Variants in SLIT3 observed in about 807,000 individuals in gnomAD.
SLIT3 encodes slit homolog 3 protein.
In SLIT3, 68 loss-of-function variants were observed where a neutral mutation model predicts 184.0. The observed-to-expected ratio is 0.37, with a 90% CI of 0.30 to 0.45. SLIT3 has a LOEUF of 0.45. Ranked by LOEUF, SLIT3 falls within the 20% of genes least tolerant of loss-of-function variation. The probability of loss-of-function intolerance (pLI) is 1.00; values close to 1 mark genes in which losing one functional copy is unlikely to be tolerated. For missense variants in SLIT3, 1,707 were observed against 2,026.0 expected (o/e 0.84, Z 3.02); for synonymous variants, 831 against 828.6 (o/e 1.00, Z -0.05).
chr5:168,970,587 G>C (rs1204655001), intron 4 of SLIT3, among the ~76,000 whole-genome samples: 1 of 151,914 alleles, frequency 6.6e-6, no homozygotes, highest in Non-Finnish European at 1.5e-5. Flanking sequence ...GCAGATTTGT[G>C]CAGGAGTCCA....
intron 35 of SLIT3, among the ~76,000 whole-genome samples, chr5:168,669,230 T>G (rs1363177895): frequency 6.6e-6 from 1 of 152,172 alleles, no homozygotes; most frequent in Non-Finnish European, 1.5e-5. Flanking sequence ...ATGGTGTGAG[T>G]GACTTCCAAT....
At chr5:169,132,779 G>A (rs1045144308) in intron 4 of SLIT3, among the ~76,000 whole-genome samples, 1 of 150,252 alleles carries the variant, frequency 6.7e-6, no homozygotes, top group South Asian at 2.2e-4. Flanking sequence ...AATGACTCCT[G>A]TCTAGCTCTG....
At chr5:168,919,215 G>A (rs1326893469) in intron 4 of SLIT3, among the ~76,000 whole-genome samples, 2 of 149,618 alleles carry the variant, frequency 1.3e-5, no homozygotes, top group African/African-American at 4.9e-5. Flanking sequence ...AGCCGAGATC[G>A]CGCCACTGCA....
intron 20 of SLIT3, among the ~76,000 whole-genome samples, chr5:168,728,736 T>C (rs553740503): frequency 9.2e-5 from 14 of 151,890 alleles, no homozygotes; most frequent in African/African-American, 2.2e-4. Context: ...CTGCGCAACA[T>C]AGTGAGACCC....
At chr5:168,859,035 A>G (rs951558162) in intron 5 of SLIT3, among the ~76,000 whole-genome samples, 1 of 152,250 alleles carries the variant, frequency 6.6e-6, no homozygotes, top group African/African-American at 2.4e-5. Flanking sequence ...ACTTCAAAGC[A>G]GAGAAGTCTG....
chr5:168,708,943 C>G lies in SLIT3; in HGVS notation c.2720-843G>C, dbSNP rs78815790. On this transcript the variant is annotated intron_variant, in intron 25 of 35. Transcript: ENST00000519560. ...AGCTGGTACCAGGGGCTCAACCCGA[C>G]TTCACATTAGAAGAGGAAGACTATC... Among the ~76,000 whole-genome samples the G allele has an allele frequency of 2.6e-3, 395 of 152,284 alleles. 16 individuals carry two copies. The East Asian group carries it at 0.06, about 23-fold the overall frequency.
chr5:169,024,063 T>G (rs1331351160), intron 4 of SLIT3: 1 of 152,188 alleles, frequency 6.6e-6, no homozygotes, highest in African/African-American at 2.4e-5. Context: ...AATTACTCCC[T>G]TTTGGTGAAT....
At chr5:168,930,098 G>A (rs1761941831) in intron 4 of SLIT3, among the ~76,000 whole-genome samples, 1 of 152,198 alleles carries the variant, frequency 6.6e-6, no homozygotes, top group African/African-American at 2.4e-5. Flanking sequence ...GCATTCCTGG[G>A]GAGAAGTGAC....
intron 4 of SLIT3, among the ~76,000 whole-genome samples, chr5:169,134,112 G>T (rs918492974): frequency 3.9e-5 from 6 of 152,206 alleles, no homozygotes; most frequent in African/African-American, 1.4e-4. Context: ...AGAGACTATA[G>T]ATAAAAAGCA....
At chr5:169,294,166 A>C (rs1416131224) in intron 1 of SLIT3, among the ~76,000 whole-genome samples, 1 of 152,116 alleles carries the variant, frequency 6.6e-6, no homozygotes, top group African/African-American at 2.4e-5. Flanking sequence ...CCTGCTAGGA[A>C]ATACAGCTGT....
At chr5:168,883,531 G>A (rs969932515) in intron 4 of SLIT3, among the ~76,000 whole-genome samples, 195 bp from the exon 5 acceptor site, 2 of 152,238 alleles carry the variant, frequency 1.3e-5, no homozygotes. Flanking sequence ...TGCTGAAATG[G>A]TTACCAGGCG....
chr5:169,000,479 T>C (rs1039257325), intron 4 of SLIT3, among the ~76,000 whole-genome samples: 6 of 151,120 alleles, frequency 4.0e-5, no homozygotes, highest in African/African-American at 7.3e-5. Flanking sequence ...CATCAACGCT[T>C]AAGCCTACAA....
At chr5:169,217,858 C>T (rs1298243264) in intron 3 of SLIT3, among the ~76,000 whole-genome samples, 1 of 152,186 alleles carries the variant, frequency 6.6e-6, no homozygotes, top group Non-Finnish European at 1.5e-5. Flanking sequence ...TCCTCACTGG[C>T]TGAAACACAC....
At chr5:168,921,081 T>C (rs1761621322) in intron 4 of SLIT3, among the ~76,000 whole-genome samples, 1 of 152,126 alleles carries the variant, frequency 6.6e-6, no homozygotes, top group Non-Finnish European at 1.5e-5. Flanking sequence ...AACCCTGATT[T>C]TTCCCCTCAA....
At chr5:169,164,544 A>C (rs1762575142) in intron 4 of SLIT3, among the ~76,000 whole-genome samples, 1 of 152,174 alleles carries the variant, frequency 6.6e-6, no homozygotes, top group Non-Finnish European at 1.5e-5. Flanking sequence ...TTGGCCTTCT[A>C]CATTTTCCCA....
chr5:168,813,828 C>A (rs1366199064), intron 8 of SLIT3, among the ~76,000 whole-genome samples: 3 of 152,212 alleles, frequency 2.0e-5, no homozygotes, highest in African/African-American at 7.2e-5. Flanking sequence ...AGATAAAGCT[C>A]TTTCCTGTCT....
At chr5:169,024,188 C>T (rs72826557) in intron 4 of SLIT3, 8,094 of 152,284 alleles carry the variant, frequency 0.053, 514 homozygotes, top group African/African-American at 0.15. Flanking sequence ...AGTACCGGAA[C>T]TCAGCAATGT....
intron 3 of SLIT3, among the ~76,000 whole-genome samples, chr5:169,204,897 G>GT (rs1764019260): frequency 6.6e-6 from 1 of 152,214 alleles, no homozygotes; most frequent in Non-Finnish European, 1.5e-5. Context: ...GTCATGAGCT[G>GT]TAAGTGAGAT....
At chr5:169,057,585 C>T (rs763810498) in intron 4 of SLIT3, among the ~76,000 whole-genome samples, 3 of 152,146 alleles carry the variant, frequency 2.0e-5, no homozygotes, top group Non-Finnish European at 2.9e-5. Flanking sequence ...AGCAGGCGTG[C>T]GAGGACCTCT....
Sources: allele counts gnomAD v4.1 joint callset (sites outside exome capture counted in the v4.1 genomes callset), GRCh38; gene constraint gnomAD v4.1.1; transcripts MANE v1.5; gene names NCBI Gene and HGNC (gene_info 2026-07-23, HGNC 2026-07-21).